ARID1B: variants seen among roughly 807,000 people sequenced by gnomAD.
ARID1B encodes the protein AT-rich interactive domain-containing protein 1B.
Under a neutral mutation model 212.3 loss-of-function variants are expected in ARID1B, and 30 were observed. The ratio of observed to expected loss-of-function variants is 0.14; its 90% CI spans 0.11 to 0.19. ARID1B has a LOEUF of 0.19. Ranked by LOEUF, ARID1B falls within the 10% of genes least tolerant of loss-of-function variation. The probability of loss-of-function intolerance (pLI) is 1.00; values close to 1 mark genes in which losing one functional copy is unlikely to be tolerated. For synonymous variants in ARID1B, 1,402 were observed against 1,301.7 expected, an observed-to-expected ratio of 1.08 and a Z score of -1.66; for missense variants, 2,891 against 3,204.0, an observed-to-expected ratio of 0.90 and a Z score of 2.36.
Position 156,920,135 on chromosome 6 carries a change from A to G in ARID1B, c.2137-15331A>G, listed in dbSNP as rs369018237. 3.1e-4 allele frequency among the ~76,000 whole-genome samples: 47 copies of G among 152,348 alleles called. No individual in the cohort carries two copies. In the South Asian group the frequency reaches 8.7e-3, roughly 28 times the overall value. On this transcript the variant is annotated intron_variant, in intron 3 of 19. Coordinates refer to ENST00000636930, the MANE Select transcript of ARID1B (RefSeq NM_001374828.1). ...CTTCTAAACCAGAAAGTTGGGTAGA[A>G]CTGGCGCTCTCCGAGCAAGCCTCCT...
chr6:157,010,195 T>C (rs764024413), intron 4 of ARID1B, among the ~76,000 whole-genome samples: 1 of 152,174 alleles, frequency 6.6e-6, no homozygotes, highest in Non-Finnish European at 1.5e-5. Context: ...TGGGTAATCT[T>C]GAATAGGGCC....
chr6:157,053,250 T>A (rs1782725871), intron 4 of ARID1B, among the ~76,000 whole-genome samples: 1 of 152,074 alleles, frequency 6.6e-6, no homozygotes, highest in East Asian at 1.9e-4. Flanking sequence ...TATGCCTGGC[T>A]AATTTTTTGT....
chr6:157,097,087 TA>T (rs1785693641), intron 5 of ARID1B, among the ~76,000 whole-genome samples: 1 of 152,248 alleles, frequency 6.6e-6, no homozygotes, highest in South Asian at 2.1e-4. Context: ...TCTTTACTTT[TA>T]AAAGTATGAG....
chr6:156,952,294 C>A (rs535751154), intron 4 of ARID1B, among the ~76,000 whole-genome samples: 2 of 152,320 alleles, frequency 1.3e-5, no homozygotes, highest in African/African-American at 4.8e-5. Flanking sequence ...ACAGAACATG[C>A]ATGCCACTAA....
rs549946773 is a variant in ARID1B at position 157,136,909 on chromosome 6, T to G, written c.2761+3702T>G. Among the ~76,000 whole-genome samples the G allele has an allele frequency of 1.0e-3, 153 of 147,734 alleles. 1 individual carries two copies. The highest frequency in any genetic ancestry group is 1.7e-3 in the Non-Finnish European group (115 of 66,704). ...AAAATACTAAAGAGATTAAGAATGT[T>G]GCTCATGCCCATAATCTCAGCACTT... is the stretch of plus-strand genomic sequence containing the variant. On this transcript the variant is annotated intron_variant, in intron 7 of 19. Coordinates refer to ENST00000636930, the MANE Select transcript of ARID1B (RefSeq NM_001374828.1).
chr6:157,003,381 G>A (rs973933300), intron 4 of ARID1B, among the ~76,000 whole-genome samples: 6 of 152,126 alleles, frequency 3.9e-5, no homozygotes, highest in East Asian at 3.9e-4. Flanking sequence ...TGTACATCCC[G>A]GACAGCCTTA....
intron 1 of ARID1B, among the ~76,000 whole-genome samples, chr6:156,804,424 A>G (rs185009536): frequency 1.6e-4 from 24 of 152,186 alleles, no homozygotes; most frequent in South Asian, 1.5e-3. Flanking sequence ...TATTTACTGT[A>G]TTAGTTTGTT....
chr6:156,879,766 A>C lies in ARID1B; in HGVS notation c.1987-21610A>C, dbSNP rs150913417. Among the ~76,000 whole-genome samples, 850 of 152,350 alleles carry C rather than the reference A, an allele frequency of 5.6e-3. 8 individuals carry two copies. The highest frequency in any genetic ancestry group is 0.02 in the African/African-American group (815 of 41,582). On this transcript the variant is annotated intron_variant, in intron 2 of 19. Transcript: ENST00000636930. ...TCTTGCTGGGAGTTAAGATATAAAC[A>C]TATGACACATGTGTATATATGTGCA...
intron 2 of ARID1B, among the ~76,000 whole-genome samples, chr6:156,879,735 G>A (rs1562455004): frequency 1.3e-5 from 2 of 152,198 alleles, no homozygotes. Flanking sequence ...TTTTTGTAAA[G>A]TCAACTCTTG....
intron 8 of ARID1B, among the ~76,000 whole-genome samples, chr6:157,153,794 C>T (rs1029544232): frequency 3.9e-5 from 6 of 152,302 alleles, no homozygotes; most frequent in African/African-American, 1.4e-4. Context: ...TGCCACCATA[C>T]CTGGCTGATT....
At chr6:156,947,511 A>T (rs1287815894) in intron 4 of ARID1B, among the ~76,000 whole-genome samples, 1 of 151,972 alleles carries the variant, frequency 6.6e-6, no homozygotes, top group African/African-American at 2.4e-5. Context: ...ATTTTGAAAG[A>T]TATCCCCTTT....
chr6:157,050,754 G>A (rs1010641590), intron 4 of ARID1B, among the ~76,000 whole-genome samples: 1 of 152,102 alleles, frequency 6.6e-6, no homozygotes, highest in Non-Finnish European at 1.5e-5. Flanking sequence ...CTCATAAAAT[G>A]ACTTTTTTGT....
At chr6:157,173,175 A>G (rs1376540926) in intron 9 of ARID1B, 10 of 152,268 alleles carry the variant, frequency 6.6e-5, no homozygotes, top group Non-Finnish European at 1.5e-4. Context: ...ATCTAAACCC[A>G]TATTTTTAAC....
At chr6:156,811,085 A>T (rs1781523596) in intron 1 of ARID1B, among the ~76,000 whole-genome samples, 1 of 152,082 alleles carries the variant, frequency 6.6e-6, no homozygotes, top group African/African-American at 2.4e-5. Context: ...TGTAGAATTC[A>T]TATCTGCCTG....
chr6:156,787,644 T>C (rs1304920943), intron 1 of ARID1B, among the ~76,000 whole-genome samples: 2 of 152,124 alleles, frequency 1.3e-5, no homozygotes, highest in Non-Finnish European at 2.9e-5. Flanking sequence ...AACTAATGAA[T>C]TATAAATGAC....
At chr6:156,949,512 A>G (rs1023673509) in intron 4 of ARID1B, among the ~76,000 whole-genome samples, 1 of 152,168 alleles carries the variant, frequency 6.6e-6, no homozygotes, top group Non-Finnish European at 1.5e-5. Flanking sequence ...AGGGCCTGTC[A>G]GGGCTGCCGG....
At chr6:156,944,758 A>G (rs909428927) in intron 4 of ARID1B, among the ~76,000 whole-genome samples, 2 of 152,222 alleles carry the variant, frequency 1.3e-5, no homozygotes, top group African/African-American at 4.8e-5. Flanking sequence ...AAAGTCATTC[A>G]TAAACACACT....
intron 8 of ARID1B, among the ~76,000 whole-genome samples, chr6:157,160,542 C>G (rs1790860552): frequency 6.6e-6 from 1 of 152,208 alleles, no homozygotes; most frequent in South Asian, 2.1e-4. Flanking sequence ...CGGTCAGCCC[C>G]ACATTCGTTC....
In ARID1B at chr6:156,980,440, G is replaced by A. The variant is rs193135264; in HGVS notation, c.2247+44864G>A. ...GGAGGTAGCAGTGAGCCGAGATCAT[G>A]CCATTGCACTCCAGCCTGGGCGACA... On this transcript the variant is annotated intron_variant, in intron 4 of 19. Transcript: ENST00000636930. Among the ~76,000 whole-genome samples the A allele has an allele frequency of 2.0e-5, 3 of 152,238 alleles. No individual in the cohort carries two copies. In the East Asian group the frequency reaches 5.8e-4, roughly 30 times the overall value.
Sources: gnomAD v4.1 joint callset for allele counts (sites outside exome capture counted in the v4.1 genomes callset) on GRCh38, gnomAD v4.1.1 for gene constraint, MANE v1.5 for transcripts, NCBI Gene and HGNC (gene_info 2026-07-23, HGNC 2026-07-21) for gene names.